Variants in SATL1 observed in about 807,000 individuals in gnomAD.
The protein encoded by SATL1 is spermidine/spermine N1-acetyl transferase like 1.
In SATL1, 47 loss-of-function variants were observed where a neutral mutation model predicts 51.8. The observed-to-expected ratio is 0.91, with a 90% CI of 0.72 to 1.16. The LOEUF is 1.16. Ranked by LOEUF, SATL1 falls within the 50% of genes most tolerant of loss-of-function variation. SATL1 has a pLI of 0.00. For synonymous variants in SATL1, 176 were observed against 182.4 expected, an observed-to-expected ratio of 0.97 and a Z score of 0.28; for missense variants, 520 against 526.4, an observed-to-expected ratio of 0.99 and a Z score of 0.12.
Position 85,092,733 on chromosome X carries a change from A to G in SATL1, c.1918-172T>C, listed in dbSNP as rs1654921369. On this transcript the variant is annotated intron_variant, in intron 7 of 7. Transcript: ENST00000644105. ...ATAGCTGTAAAAAGAAAAAAGTCTC[A>G]CTGTTCTGAGCTTTAAAGCCCTCTT... 6.6e-6 allele frequency: 3 copies of G among 451,744 alleles called. No individual in the cohort carries two copies. The African/African-American group carries it at 7.3e-5, about 11-fold the overall frequency. 37.2% of individuals were successfully genotyped at this position (451,744 alleles called of 1,213,427 possible). A position where few individuals can be genotyped will look rare whatever the true frequency, so the allele number is the denominator to read the frequency against.
intron 2 of SATL1, among the ~76,000 whole-genome samples, chrX:85,149,891 C>T (rs1233804155): frequency 9.0e-6 from 1 of 111,506 alleles, no homozygotes; most frequent in Non-Finnish European, 1.9e-5. Flanking sequence ...ACCCTAACAT[C>T]ACAATTAAAA....
chrX:85,110,359 C>CT (rs1925232180), intron 2 of SATL1, among the ~76,000 whole-genome samples: 1 of 111,972 alleles, frequency 8.9e-6, no homozygotes, highest in African/African-American at 3.2e-5. Flanking sequence ...ATTTTAACTG[C>CT]TGGCTTACTT....
rs143336267 is a variant in SATL1, at chrX:85,199,241, T to A, written c.-313+24964A>T. 3.0e-3 allele frequency among the ~76,000 whole-genome samples: 337 copies of A among 111,443 alleles called. 1 individual carries two copies. The highest frequency in any genetic ancestry group is 0.011 in the African/African-American group (326 of 30,726). On this transcript the variant is annotated intron_variant, in intron 2 of 7. Transcript: ENST00000644105. Reference sequence around the variant, plus strand: ...TCTCTGCCTCCATGAGTTCAATTCTTTTGATTTTCAGGTCCCACAAATTAG... The same window carrying A: ...TCTCTGCCTCCATGAGTTCAATTCTATTGATTTTCAGGTCCCACAAATTAG...
At chrX:85,178,613 A>C (rs1602892754) in intron 2 of SATL1, among the ~76,000 whole-genome samples, 1 of 83,622 alleles carries the variant, frequency 1.2e-5, no homozygotes, top group African/African-American at 1.0e-4. Flanking sequence ...AAAATGCTCA[A>C]AAAAAAAAAA....
At chrX:85,164,909 A>C (rs1299280984) in intron 2 of SATL1, among the ~76,000 whole-genome samples, 1 of 110,097 alleles carries the variant, frequency 9.1e-6, no homozygotes. Context: ...TTTTTAACAG[A>C]GACGGGCTTT....
At chrX:85,193,268 T>C (rs1449570101) in intron 2 of SATL1, among the ~76,000 whole-genome samples, 8 of 111,913 alleles carry the variant, frequency 7.1e-5, no homozygotes, top group Non-Finnish European at 1.5e-4. Context: ...TGTTTAATAC[T>C]GTAAGAGGGT....
At chrX:85,214,897 C>T (rs1193629516) in intron 2 of SATL1, among the ~76,000 whole-genome samples, 1 of 111,860 alleles carries the variant, frequency 8.9e-6, no homozygotes, top group Admixed American at 9.5e-5. Context: ...CTGTGAAGAC[C>T]TCAAGAAGCT....
intron 6 of SATL1, 36 bp from the exon 7 acceptor site, chrX:85,093,261 T>C (rs957854747): frequency 1.8e-6 from 2 of 1,130,166 alleles, no homozygotes; most frequent in Non-Finnish European, 2.4e-6. Flanking sequence ...AAACTGCAAA[T>C]TTCACTTAAC....
intron 2 of SATL1, among the ~76,000 whole-genome samples, chrX:85,132,729 G>A (rs975382251): frequency 5.4e-5 from 6 of 111,664 alleles, no homozygotes; most frequent in Admixed American, 2.8e-4. Flanking sequence ...AGGAGAAGGG[G>A]CACTCTCGTT....
At chrX:85,241,328 A>G (rs1928589900) in intron 1 of SATL1, among the ~76,000 whole-genome samples, 1 of 110,936 alleles carries the variant, frequency 9.0e-6, no homozygotes, top group African/African-American at 3.3e-5. Context: ...GTTGGGTACT[A>G]TGTTCACTAC....
At chrX:85,131,350 A>G (rs1925793806) in intron 2 of SATL1, among the ~76,000 whole-genome samples, 1 of 111,826 alleles carries the variant, frequency 8.9e-6, no homozygotes, top group African/African-American at 3.3e-5. Flanking sequence ...GTACATATAT[A>G]TTTAGGATAG....
chrX:85,170,209 G>A (rs954045850), intron 2 of SATL1, among the ~76,000 whole-genome samples: 1 of 110,653 alleles, frequency 9.0e-6, no homozygotes, highest in African/African-American at 3.3e-5. Context: ...AAAATAATCT[G>A]TACAACAAAC....
At chrX:85,152,755 G>T (rs929912190) in intron 2 of SATL1, among the ~76,000 whole-genome samples, 10 of 110,404 alleles carry the variant, frequency 9.1e-5, no homozygotes, top group African/African-American at 3.3e-4. Flanking sequence ...CTCATAGGTG[G>T]GAATTGAACA....
At chrX:85,213,865 T>G (rs956900570) in intron 2 of SATL1, among the ~76,000 whole-genome samples, 2 of 110,751 alleles carry the variant, frequency 1.8e-5, no homozygotes, top group Admixed American at 9.6e-5. Context: ...TAAGAGAGAA[T>G]GGCACTGAAC....
At chrX:85,101,657 C>T (rs752716897) in intron 4 of SATL1, among the ~76,000 whole-genome samples, 5 of 111,837 alleles carry the variant, frequency 4.5e-5, no homozygotes, top group Non-Finnish European at 9.4e-5. Context: ...ATCATATGAT[C>T]CAGCTATTCC....
intron 2 of SATL1, among the ~76,000 whole-genome samples, chrX:85,198,327 T>C (rs1360282534): frequency 8.9e-6 from 1 of 111,934 alleles, no homozygotes; most frequent in Non-Finnish European, 1.9e-5. Flanking sequence ...CTTGATTTCC[T>C]TACTTTTGGG....
chrX:85,196,253 G>T (rs183155989), intron 2 of SATL1, among the ~76,000 whole-genome samples: 1 of 111,675 alleles, frequency 9.0e-6, no homozygotes, highest in Admixed American at 9.5e-5. Context: ...AAGCTACAAA[G>T]TAGAAAACAT....
chrX:85,159,388 A>G lies in SATL1; in HGVS notation c.-312-50108T>C, dbSNP rs1387115035. Among the ~76,000 whole-genome samples, 10 of 111,583 alleles carry G rather than the reference A, an allele frequency of 9.0e-5. No individual in the cohort carries two copies. In the East Asian group the frequency reaches 2.0e-3, roughly 22 times the overall value. On this transcript the variant is annotated intron_variant, in intron 2 of 7. Transcript: ENST00000644105. ...AGATTAGTGGCAGCATTAGATTCTC[A>G]TAGGCATGCAAACCCTATTGTGAAC...
intron 2 of SATL1, among the ~76,000 whole-genome samples, chrX:85,170,336 G>A (rs191388058): frequency 1.7e-4 from 19 of 111,408 alleles, no homozygotes; most frequent in African/African-American, 5.8e-4. Flanking sequence ...AAACACTAAA[G>A]GAATCTCAGT....
Sources: allele counts gnomAD v4.1 joint callset (sites outside exome capture counted in the v4.1 genomes callset), GRCh38; gene constraint gnomAD v4.1.1; transcripts MANE v1.5; gene names NCBI Gene and HGNC (gene_info 2026-07-23, HGNC 2026-07-21).